FHIT: variants seen among roughly 807,000 people sequenced by gnomAD.
FHIT encodes bis(5'-adenosyl)-triphosphatase.
A neutral mutation model predicts 17.9 loss-of-function variants in FHIT; 19 were observed. The observed-to-expected ratio is 1.06, with a 90% CI of 0.74 to 1.56. The LOEUF is 1.56. FHIT is among the 40% of genes most tolerant of loss of function. FHIT has a pLI of 0.00. For synonymous variants in FHIT, 81 were observed against 69.7 expected (o/e 1.16, Z -0.81); for missense variants, 248 against 189.2 (o/e 1.31, Z -1.82).
chr3:60,122,013 GA>G (rs1375889496), intron 5 of FHIT, among the ~76,000 whole-genome samples: 1 of 151,728 alleles, frequency 6.6e-6, no homozygotes, highest in Non-Finnish European at 1.5e-5. Flanking sequence ...AGTATTGTGA[GA>G]AATATGAAAC....
chr3:60,119,890 C>T (rs928312219), intron 5 of FHIT, among the ~76,000 whole-genome samples: 1 of 152,142 alleles, frequency 6.6e-6, no homozygotes, highest in Non-Finnish European at 1.5e-5. Context: ...TACTGGCTCC[C>T]CAGTGCTTTC....
At chr3:60,522,103 G>T (rs1343568542) in intron 5 of FHIT, among the ~76,000 whole-genome samples, 1 of 121,344 alleles carries the variant, frequency 8.2e-6, no homozygotes. Context: ...ACAGCAACCA[G>T]AAGTTTTTTT....
Position 59,752,255 on chromosome 3 carries a change from C to T in FHIT, c.415G>A (p.Ala139Thr), listed in dbSNP as rs771290326. 1 of 1,613,110 alleles carries T rather than the reference C, an allele frequency of 6.2e-7. No individual in the cohort carries two copies. Among genetic ancestry groups the T allele is most frequent in the African/African-American group, 1.3e-5 (1 of 74,972 alleles). The change falls in exon 9 of 10, where the codon GCC becomes ACC. Residue 139 changes from alanine to threonine, a missense_variant. Coordinates refer to ENST00000492590, the MANE Select transcript of FHIT (RefSeq NM_002012.4). ...TGAAAGTAGACCCGCAGAGCTGCGG[C>T]TTCTGCTGCCATTTCCTCCTCTGAT... ...WRSEEEMAAE[A>T]AALRVYFQ
chr3:60,656,703 T>C (rs1412702003), intron 4 of FHIT, among the ~76,000 whole-genome samples: 3 of 152,190 alleles, frequency 2.0e-5, no homozygotes, highest in Non-Finnish European at 2.9e-5. Flanking sequence ...ATCCCTTTGA[T>C]GTCTTTCCAC....
chr3:61,166,467 T>C (rs139071480), intron 2 of FHIT, among the ~76,000 whole-genome samples: 1 of 152,364 alleles, frequency 6.6e-6, no homozygotes, highest in Non-Finnish European at 1.5e-5. Flanking sequence ...AGAGTTCTTC[T>C]TGGATCCTGG....
At position 60,229,905 on chromosome 3, in the gene FHIT, C is replaced by A. The variant is rs146959603; in HGVS notation, c.104-215753G>T. Among the ~76,000 whole-genome samples the A allele has an allele frequency of 2.8e-3, 427 of 152,248 alleles. 3 individuals are homozygous for A. The highest frequency in any genetic ancestry group is 9.8e-3 in the African/African-American group (409 of 41,552). On this transcript the variant is annotated intron_variant, in intron 5 of 9. Coordinates refer to ENST00000492590, the MANE Select transcript of FHIT (RefSeq NM_002012.4). ...GCTGTGGCAGGAGGACAGCTTGAGC[C>A]CAAGACTTTGAGGCTGCAGTGAGCT...
intron 5 of FHIT, among the ~76,000 whole-genome samples, chr3:60,447,092 C>T (rs2031392053): frequency 6.6e-6 from 1 of 151,920 alleles, no homozygotes; most frequent in Non-Finnish European, 1.5e-5. Context: ...CTCCTTGAGC[C>T]AAAACCCAGC....
chr3:60,844,462 G>A (rs999558495), intron 3 of FHIT, among the ~76,000 whole-genome samples: 1 of 151,884 alleles, frequency 6.6e-6, no homozygotes, highest in Admixed American at 6.6e-5. Context: ...GATAAAACCT[G>A]TTTCCTAAGA....
chr3:61,059,026 T>C (rs2034329428), intron 2 of FHIT, among the ~76,000 whole-genome samples: 4 of 152,212 alleles, frequency 2.6e-5, no homozygotes, highest in Admixed American at 2.6e-4. Flanking sequence ...TGGGAACTGC[T>C]GGTCACATAA....
chr3:60,150,592 G>A (rs1166038695), intron 5 of FHIT, among the ~76,000 whole-genome samples: 1 of 152,124 alleles, frequency 6.6e-6, no homozygotes, highest in African/African-American at 2.4e-5. Context: ...AAGTCGCTGA[G>A]ACTATAGGTG....
Position 60,477,203 on chromosome 3 carries a change from AT to A in FHIT, c.103+59656del, listed in dbSNP as rs558744857. Reference sequence around the variant, plus strand: ...TAACTACCTGAGGTCTTCAAAATGGATTTTTTTTTTTCAGTTCTTATTCTAA... The same window carrying A: ...TAACTACCTGAGGTCTTCAAAATGGATTTTTTTTTTCAGTTCTTATTCTAA... On this transcript the variant is annotated intron_variant, in intron 5 of 9. Coordinates refer to ENST00000492590, the MANE Select transcript of FHIT (RefSeq NM_002012.4). 3.1e-3 allele frequency among the ~76,000 whole-genome samples: 454 copies of A among 148,104 alleles called. 2 individuals carry two copies. Among genetic ancestry groups the A allele is most frequent in the African/African-American group, 9.0e-3 (367 of 40,566 alleles).
intron 4 of FHIT, among the ~76,000 whole-genome samples, chr3:60,785,897 ACACACACACACACACACAC>A (rs1700555786): frequency 7.5e-6 from 1 of 133,510 alleles, no homozygotes; most frequent in South Asian, 2.6e-4. Context: ...CAAACAGAAG[ACACACACACACACACACAC>A]ACACACACAC....
intron 3 of FHIT, among the ~76,000 whole-genome samples, chr3:60,889,957 C>T (rs1256511958): frequency 6.6e-6 from 1 of 152,146 alleles, no homozygotes; most frequent in South Asian, 2.1e-4. Flanking sequence ...TGCACATACC[C>T]TTATGCTAGC....
At chr3:60,302,976 T>G (rs1303669685) in intron 5 of FHIT, among the ~76,000 whole-genome samples, 2 of 152,312 alleles carry the variant, frequency 1.3e-5, no homozygotes, top group East Asian at 3.9e-4. Flanking sequence ...GTTAATAAGT[T>G]TCTCCCCTGT....
intron 8 of FHIT, among the ~76,000 whole-genome samples, chr3:59,796,705 GTGGGTTTTTC>G (rs773649296): frequency 2.5e-4 from 38 of 152,284 alleles, no homozygotes; most frequent in Non-Finnish European, 3.8e-4. Flanking sequence ...TTCACACTGG[GTGGGTTTTTC>G]TGGGTTTTTC....
chr3:59,934,078 C>G (rs959862141), intron 7 of FHIT, among the ~76,000 whole-genome samples: 5 of 152,140 alleles, frequency 3.3e-5, no homozygotes, highest in African/African-American at 4.8e-5. Context: ...TTATTATCAT[C>G]ACAAGAGGCA....
rs1680321377 is a variant in FHIT, at chr3:60,099,274, A to C, written c.104-85122T>G. 2.6e-5 allele frequency among the ~76,000 whole-genome samples: 4 copies of C among 152,216 alleles called. No individual in the cohort carries two copies. In the South Asian group the frequency reaches 8.3e-4, roughly 31 times the overall value. On this transcript the variant is annotated intron_variant, in intron 5 of 9. Coordinates refer to ENST00000492590, the MANE Select transcript of FHIT (RefSeq NM_002012.4). ...ACCAACCAAGAATTTTTAACATCTG[A>C]AATGATTCACAAATGGAATGGGATG...
At chr3:60,931,782 A>G (rs934797328) in intron 3 of FHIT, among the ~76,000 whole-genome samples, 8 of 152,206 alleles carry the variant, frequency 5.3e-5, no homozygotes, top group African/African-American at 1.7e-4. Flanking sequence ...AGCATTTTTT[A>G]AAGAGCATAT....
rs187981587 is a variant in FHIT, at chr3:59,817,753, A to G, written c.349-65432T>C. 2.0e-5 allele frequency among the ~76,000 whole-genome samples: 3 copies of G among 152,268 alleles called. No individual in the cohort carries two copies. In the East Asian group the frequency reaches 5.8e-4, roughly 29 times the overall value. ...CAGTTTCACCTGTTTTATTCACAAC[A>G]GTTATCTCTCCAATCCAGATTCCTT... On this transcript the variant is annotated intron_variant, in intron 8 of 9. Coordinates refer to ENST00000492590, the MANE Select transcript of FHIT (RefSeq NM_002012.4).
Sources: gnomAD v4.1 joint callset for allele counts (sites outside exome capture counted in the v4.1 genomes callset) on GRCh38, gnomAD v4.1.1 for gene constraint, MANE v1.5 for transcripts, NCBI Gene and HGNC (gene_info 2026-07-23, HGNC 2026-07-21) for gene names.